The following EFHD1 variants were observed in gnomAD, a reference collection of about 807,000 sequenced individuals.
The protein encoded by EFHD1 is EF-hand domain-containing protein D1.
A neutral mutation model predicts 17.2 loss-of-function variants in EFHD1; 10 were observed. That is an observed-to-expected ratio of 0.58 (90% CI 0.36 to 0.99). The LOEUF (loss-of-function observed/expected upper bound fraction) is 0.99. Ranked by LOEUF, EFHD1 falls within the 50% of genes least tolerant of loss-of-function variation. The pLI, the probability that EFHD1 is intolerant of heterozygous loss-of-function variation, is 0.01. For missense variants in EFHD1, 310 were observed against 327.5 expected (o/e 0.95, Z 0.41); for synonymous variants, 153 against 142.0 (o/e 1.08, Z -0.55).
intron 1 of EFHD1, among the ~76,000 whole-genome samples, chr2:232,648,737 G>T (rs2106202409): frequency 6.6e-6 from 1 of 152,204 alleles, no homozygotes; most frequent in Middle Eastern, 3.4e-3. Context: ...AGGGGTCTCG[G>T]TAGAACTTGA....
At chr2:232,645,227 G>T (rs1233939652) in intron 1 of EFHD1, among the ~76,000 whole-genome samples, 1 of 152,124 alleles carries the variant, frequency 6.6e-6, no homozygotes, top group African/African-American at 2.4e-5. Context: ...GAGCCCTGGA[G>T]CGGGCCACAT....
chr2:232,658,146 A>C (rs567673105), intron 1 of EFHD1, among the ~76,000 whole-genome samples: 1 of 151,654 alleles, frequency 6.6e-6, no homozygotes, highest in South Asian at 2.1e-4. Context: ...CAGATGATCC[A>C]CCCACCTCGG....
At chr2:232,658,559 A>G (rs1229365306) in intron 1 of EFHD1, among the ~76,000 whole-genome samples, 1 of 152,250 alleles carries the variant, frequency 6.6e-6, no homozygotes, top group South Asian at 2.1e-4. Context: ...AAACACTTGT[A>G]TATGAACGTT....
At chr2:232,671,491 C>T (rs1403181393) in intron 2 of EFHD1, among the ~76,000 whole-genome samples, 4 of 151,366 alleles carry the variant, frequency 2.6e-5, no homozygotes, top group African/African-American at 7.3e-5. Context: ...TTTGGGAGGC[C>T]GAGGCGGGCG....
chr2:232,633,485 C>T (rs1290526866), upstream of EFHD1: 1 of 1,251,432 alleles, frequency 8.0e-7, no homozygotes. Context: ...GGCCTCCTCC[C>T]ACCAGGCTGG....
chr2:232,669,988 G>C (rs1695039409), intron 2 of EFHD1, among the ~76,000 whole-genome samples: 1 of 152,192 alleles, frequency 6.6e-6, no homozygotes, highest in East Asian at 1.9e-4. Context: ...GGTAGCACCT[G>C]AAAACCTGGA....
At chr2:232,670,600 T>G (rs1442334431) in intron 2 of EFHD1, among the ~76,000 whole-genome samples, 1 of 151,928 alleles carries the variant, frequency 6.6e-6, no homozygotes. Context: ...GAAAATAAGG[T>G]TAATGATTAA....
At chr2:232,612,982 T>G (rs1021302057) in intron 1 of EFHD1, among the ~76,000 whole-genome samples, 22 of 151,928 alleles carry the variant, frequency 1.4e-4, no homozygotes, top group African/African-American at 5.1e-4. Flanking sequence ...ATCCACCCGC[T>G]TTAGCCTCCC....
chr2:232,673,941 C>T (rs1695125763), intron 3 of EFHD1, among the ~76,000 whole-genome samples: 1 of 141,890 alleles, frequency 7.0e-6, no homozygotes, highest in African/African-American at 2.6e-5. Context: ...TTGAGTCTCA[C>T]TCTGTCTCCC....
intron 1 of EFHD1, among the ~76,000 whole-genome samples, chr2:232,642,216 C>A (rs1024203128): frequency 6.6e-6 from 1 of 151,896 alleles, no homozygotes; most frequent in African/African-American, 2.4e-5. Flanking sequence ...AACCCCGTCT[C>A]TACTAAAAAT....
Position 232,633,990 on chromosome 2 carries a change from G to C in EFHD1, c.286G>C (p.Glu96Gln), listed in dbSNP as rs760534803. 1 of 1,597,304 alleles carries C rather than the reference G, an allele frequency of 6.3e-7. No homozygotes were observed. Among genetic ancestry groups the C allele is most frequent in the Admixed American group, 1.7e-5 (1 of 60,006 alleles). ...CAGCCGCCGCCTCATCAAGGACCTG[G>C]AGAGCATGTTCAAACTGTGAGCTCC... ...EFSRRLIKDL[E>Q]SMFKLYDAGR... Residue 96 changes from glutamate to glutamine, a missense_variant, in exon 1 of 4, where the codon GAG becomes CAG. Transcript: ENST00000264059.
At chr2:232,668,035 A>C (rs1421448820) in intron 2 of EFHD1, among the ~76,000 whole-genome samples, 1 of 152,206 alleles carries the variant, frequency 6.6e-6, no homozygotes, top group African/African-American at 2.4e-5. Flanking sequence ...TGCGTGTGAA[A>C]GGGCTTTTTA....
At chr2:232,654,252 A>G (rs186798936) in intron 1 of EFHD1, among the ~76,000 whole-genome samples, 55 of 151,344 alleles carry the variant, frequency 3.6e-4, no homozygotes, top group Non-Finnish European at 6.3e-4. Context: ...TTCCTTCAAT[A>G]TTTCCTAAGC....
intron 1 of EFHD1, among the ~76,000 whole-genome samples, chr2:232,642,475 G>A (rs527791404): frequency 2.8e-4 from 42 of 151,754 alleles, no homozygotes; most frequent in Admixed American, 2.6e-4. Flanking sequence ...CTTGACTTCC[G>A]GTCTTGGAAC....
chr2:232,618,302 G>A (rs2106185176), intron 1 of EFHD1, among the ~76,000 whole-genome samples: 1 of 152,208 alleles, frequency 6.6e-6, no homozygotes, highest in African/African-American at 2.4e-5. Flanking sequence ...TTACAGGTGT[G>A]AGCCACCATG....
upstream of EFHD1, among the ~76,000 whole-genome samples, chr2:232,629,716 G>A (rs188547615): frequency 1.1e-4 from 16 of 152,010 alleles, no homozygotes; most frequent in South Asian, 1.9e-3. Flanking sequence ...TGATCCACCC[G>A]CCTCGGCCTC....
At chr2:232,618,051 G>A (rs1693959597) in intron 1 of EFHD1, among the ~76,000 whole-genome samples, 1 of 151,596 alleles carries the variant, frequency 6.6e-6, no homozygotes, top group Non-Finnish European at 1.5e-5. Flanking sequence ...ATGGAGTCTC[G>A]CTCTGCCACC....
chr2:232,665,860 T>C (rs867838), intron 2 of EFHD1, among the ~76,000 whole-genome samples: 74,683 of 152,022 alleles, frequency 0.49, 18,992 homozygotes, highest in East Asian at 0.74. Flanking sequence ...ATTCCAGAAA[T>C]GTTGGAGTAC....
chr2:232,618,608 A>C (rs1693966492), intron 1 of EFHD1, among the ~76,000 whole-genome samples: 1 of 151,762 alleles, frequency 6.6e-6, no homozygotes. Flanking sequence ...TTGTAGTCCC[A>C]GCTACCCGGG....
Sources: allele counts gnomAD v4.1 joint callset (sites outside exome capture counted in the v4.1 genomes callset), GRCh38; gene constraint gnomAD v4.1.1; transcripts MANE v1.5; gene names NCBI Gene and HGNC (gene_info 2026-07-23, HGNC 2026-07-21).